NAV1: variants seen among roughly 807,000 people sequenced by gnomAD.
The protein encoded by NAV1 is neuron navigator 1.
NAV1 carries 18 observed loss-of-function variants against 175.2 expected under a neutral mutation model. The observed-to-expected ratio is 0.10, with a 90% CI of 0.07 to 0.15. The LOEUF is 0.15. Ranked by LOEUF, NAV1 falls within the 10% of genes least tolerant of loss-of-function variation. The pLI, the probability that NAV1 is intolerant of heterozygous loss-of-function variation, is 1.00. For missense variants in NAV1, 1,731 were observed against 2,436.6 expected, an observed-to-expected ratio of 0.71 and a Z score of 6.10; for synonymous variants, 897 against 978.7, an observed-to-expected ratio of 0.92 and a Z score of 1.56.
chr1:201,541,234 T>C (rs941822600), intron 1 of NAV1, among the ~76,000 whole-genome samples: 5 of 152,220 alleles, frequency 3.3e-5, no homozygotes, highest in Non-Finnish European at 7.3e-5. Flanking sequence ...CAGCACACAG[T>C]AGGCACTTTA....
At chr1:201,688,580 C>CT (rs1363777183) in intron 1 of NAV1, among the ~76,000 whole-genome samples, 6 of 152,136 alleles carry the variant, frequency 3.9e-5, no homozygotes, top group African/African-American at 1.2e-4. Context: ...ACCAGGAATC[C>CT]CTTTTTGCGG....
intron 1 of NAV1, among the ~76,000 whole-genome samples, chr1:201,555,389 T>G (rs953446834): frequency 2.0e-5 from 3 of 152,294 alleles, no homozygotes; most frequent in Non-Finnish European, 4.4e-5. Flanking sequence ...AGTTTCCTCA[T>G]CTACAAAATG....
chr1:201,713,426 C>T (rs1216719920), intron 2 of NAV1, among the ~76,000 whole-genome samples: 2 of 152,208 alleles, frequency 1.3e-5, no homozygotes, highest in Non-Finnish European at 1.5e-5. Flanking sequence ...CTCAACAGGG[C>T]CCACACAGTG....
chr1:201,765,626 C>T (rs968498720), intron 3 of NAV1, among the ~76,000 whole-genome samples: 10 of 152,038 alleles, frequency 6.6e-5, no homozygotes, highest in Admixed American at 2.0e-4. Context: ...AACTCCTAAG[C>T]TCAGGCGATC....
Position 201,808,391 on chromosome 1 carries a change from C to A in NAV1, c.3846-27C>A. The A allele has an allele frequency of 6.3e-7, 1 of 1,592,020 alleles. No individual in the cohort carries two copies. Among genetic ancestry groups the A allele is most frequent in the South Asian group, 1.1e-5 (1 of 87,654 alleles). On this transcript the variant is annotated intron_variant, in intron 18 of 29. Transcript: ENST00000367296. This position sits in a 1 kb window ranked among gnomAD's most constrained non-coding sequence, Gnocchi z 5.5. The stretch of plus-strand genomic sequence containing the variant: ...GTAACTCTAGTGCTTCTTCATGTAG[C>A]CTGGCTTGACTCTTGCTATCTTACA...
chr1:201,752,698 G>A (rs1674197238), intron 3 of NAV1, among the ~76,000 whole-genome samples: 1 of 151,942 alleles, frequency 6.6e-6, no homozygotes, highest in Non-Finnish European at 1.5e-5. Context: ...CAGGTTTGTT[G>A]AGGAGAAGGA....
At chr1:201,777,108 C>T (rs758182058) in intron 3 of NAV1, among the ~76,000 whole-genome samples, 1 of 152,222 alleles carries the variant, frequency 6.6e-6, no homozygotes, top group African/African-American at 2.4e-5. Flanking sequence ...CATTTTATGA[C>T]ATGTAAGGTC....
intron 3 of NAV1, among the ~76,000 whole-genome samples, chr1:201,723,051 CAG>C (rs1441922357): frequency 1.3e-5 from 2 of 152,314 alleles, no homozygotes; most frequent in East Asian, 1.9e-4. Context: ...GCGGAGGTTG[CAG>C]AGAGTCGAGA....
chr1:201,656,526 A>G (rs1485590725), intron 1 of NAV1, among the ~76,000 whole-genome samples: 1 of 152,188 alleles, frequency 6.6e-6, no homozygotes, highest in African/African-American at 2.4e-5. Flanking sequence ...CTGAGCAGGA[A>G]GATAGCGAAT....
chr1:201,796,273 C>T (rs1006676381), intron 15 of NAV1: 2 of 152,124 alleles, frequency 1.3e-5, no homozygotes, highest in Non-Finnish European at 2.9e-5. Context: ...GCAGCTACAC[C>T]ATTTTACATT....
At chr1:201,644,364 C>T (rs904713709), upstream of NAV1, among the ~76,000 whole-genome samples, 2 of 152,218 alleles carry the variant, frequency 1.3e-5, no homozygotes, top group African/African-American at 4.8e-5. Context: ...GTTTTATCAA[C>T]TGATGCTGGA....
At chr1:201,736,635 C>T (rs1008472667) in intron 3 of NAV1, among the ~76,000 whole-genome samples, 1 of 152,202 alleles carries the variant, frequency 6.6e-6, no homozygotes, top group African/African-American at 2.4e-5. Flanking sequence ...GCATATTAGC[C>T]TGCATTCTGC....
chr1:201,571,168 G>C (rs1666530937), intron 1 of NAV1, among the ~76,000 whole-genome samples: 1 of 152,350 alleles, frequency 6.6e-6, no homozygotes, highest in Non-Finnish European at 1.5e-5. Flanking sequence ...GGGCTAGCCA[G>C]TGGGACTAAG....
chr1:201,769,332 G>T (rs1366551894), intron 3 of NAV1, among the ~76,000 whole-genome samples: 1 of 152,116 alleles, frequency 6.6e-6, no homozygotes, highest in Non-Finnish European at 1.5e-5. Context: ...CTCAGTCCCT[G>T]GGTCAAATTC....
intron 1 of NAV1, among the ~76,000 whole-genome samples, chr1:201,567,866 C>G (rs200159400): frequency 2.6e-5 from 4 of 151,790 alleles, no homozygotes; most frequent in Non-Finnish European, 4.4e-5. Context: ...GCCTGCACAT[C>G]GAGAATGTCC....
chr1:201,602,130 A>T (rs554084038), intron 2 of NAV1, among the ~76,000 whole-genome samples: 71 of 152,278 alleles, frequency 4.7e-4, no homozygotes, highest in African/African-American at 1.6e-3. Flanking sequence ...AGAACATGCC[A>T]CCAGCATCAG....
intron 2 of NAV1, among the ~76,000 whole-genome samples, chr1:201,590,580 C>G (rs528900260): frequency 6.6e-6 from 1 of 152,074 alleles, no homozygotes; most frequent in Non-Finnish European, 1.5e-5. Context: ...CTTTCTTTTT[C>G]GGACACAGGT....
intron 2 of NAV1, among the ~76,000 whole-genome samples, chr1:201,640,265 C>T (rs995556292): frequency 2.6e-5 from 4 of 152,210 alleles, no homozygotes; most frequent in Non-Finnish European, 4.4e-5. Flanking sequence ...CCTGCAGTGT[C>T]CACAGAAATA....
chr1:201,776,335 CAAAAAAAAAAAAA>C (rs71138352), intron 3 of NAV1, among the ~76,000 whole-genome samples: 1 of 71,890 alleles, frequency 1.4e-5, no homozygotes, highest in East Asian at 4.3e-4. Flanking sequence ...CCTGACTCTA[CAAAAAAAAAAAAA>C]AAAAAAAAAA....
Sources: gnomAD v4.1 joint callset for allele counts (sites outside exome capture counted in the v4.1 genomes callset) on GRCh38, gnomAD v4.1.1 for gene constraint, Gnocchi (gnomAD v3.1) non-coding constraint, MANE v1.5 for transcripts, NCBI Gene and HGNC (gene_info 2026-07-23, HGNC 2026-07-21) for gene names.